Variants in DPYD observed in about 807,000 individuals in gnomAD.
The protein encoded by DPYD is dihydropyrimidine dehydrogenase [NADP(+)].
DPYD carries 109 observed loss-of-function variants against 116.2 expected under a neutral mutation model. The observed-to-expected ratio is 0.94, with a 90% CI of 0.80 to 1.10. The LOEUF is 1.10. Among genes scored for constraint, DPYD ranks in the 50% least tolerant of loss-of-function variants. The probability of loss-of-function intolerance (pLI) is 0.00; values close to 1 mark genes in which losing one functional copy is unlikely to be tolerated. For synonymous variants in DPYD, 440 were observed against 432.0 expected, an observed-to-expected ratio of 1.02 and a Z score of -0.23; for missense variants, 1,302 against 1,254.5, an observed-to-expected ratio of 1.04 and a Z score of -0.57.
chr1:97,680,334 A>G (rs1447334392), intron 7 of DPYD, among the ~76,000 whole-genome samples: 1 of 152,174 alleles, frequency 6.6e-6, no homozygotes, highest in Non-Finnish European at 1.5e-5. Flanking sequence ...TCCCTGTCAT[A>G]TCCCCATTTA....
intron 6 of DPYD, among the ~76,000 whole-genome samples, chr1:97,695,408 A>G (rs921167863): frequency 1.4e-5 from 2 of 147,914 alleles, no homozygotes; most frequent in African/African-American, 5.0e-5. Flanking sequence ...CTAATCCATC[A>G]TTTTTTAAAA....
chr1:97,114,801 C>G (rs1385647314), intron 20 of DPYD, among the ~76,000 whole-genome samples: 1 of 152,116 alleles, frequency 6.6e-6, no homozygotes, highest in Admixed American at 6.6e-5. Context: ...ACCATATATT[C>G]CTGTTAACCA....
At chr1:97,364,348 T>A (rs1032007687) in intron 16 of DPYD, among the ~76,000 whole-genome samples, 4 of 152,126 alleles carry the variant, frequency 2.6e-5, no homozygotes, top group African/African-American at 7.2e-5. Flanking sequence ...TTGCAACCTA[T>A]CTATGAGGAC....
At chr1:97,725,100 C>G (rs1410517390) in intron 4 of DPYD, among the ~76,000 whole-genome samples, 2 of 151,296 alleles carry the variant, frequency 1.3e-5, no homozygotes, top group Non-Finnish European at 3.0e-5. Context: ...AAAAGTACAG[C>G]AAACTTACAG....
chr1:97,296,497 T>C (rs949712172), intron 18 of DPYD, among the ~76,000 whole-genome samples: 5 of 152,142 alleles, frequency 3.3e-5, no homozygotes, highest in African/African-American at 4.8e-5. Context: ...ATGATCAAAT[T>C]ATTTAAAAAG....
intron 18 of DPYD, among the ~76,000 whole-genome samples, chr1:97,300,439 A>G (rs1666794799): frequency 6.6e-6 from 1 of 152,116 alleles, no homozygotes; most frequent in South Asian, 2.1e-4. Context: ...CATGTGATTG[A>G]CACATAAAAA....
rs137931267 is a variant in DPYD, at chr1:97,480,614, T to C, written c.1741-30391A>G. 5.8e-3 allele frequency among the ~76,000 whole-genome samples: 882 copies of C among 152,342 alleles called. 6 individuals carry two copies. The highest frequency in any genetic ancestry group is 0.034 in the Middle Eastern group (10 of 294). On this transcript the variant is annotated intron_variant, in intron 13 of 22. Coordinates refer to ENST00000370192, the MANE Select transcript of DPYD (RefSeq NM_000110.4). ...AGGGAATTGCTGAATTTCATCAAAA[T>C]ATTTTTGGCATTATTTAATGTTTAA...
chr1:97,551,173 T>C (rs1396897070), intron 11 of DPYD, among the ~76,000 whole-genome samples: 1 of 152,188 alleles, frequency 6.6e-6, no homozygotes, highest in Non-Finnish European at 1.5e-5. Flanking sequence ...TTCTACTGTT[T>C]CTATTTGTTT....
At chr1:97,451,169 C>T (rs559837204) in intron 13 of DPYD, among the ~76,000 whole-genome samples, 1 of 151,898 alleles carries the variant, frequency 6.6e-6, no homozygotes, top group Non-Finnish European at 1.5e-5. Context: ...TAAGAACCAC[C>T]CCATATAAAA....
intron 11 of DPYD, among the ~76,000 whole-genome samples, chr1:97,565,773 G>A (rs556766943): frequency 6.6e-6 from 1 of 152,246 alleles, no homozygotes; most frequent in East Asian, 1.9e-4. Context: ...TAGTGCCTGA[G>A]TAGTGCCTGG....
intron 8 of DPYD, among the ~76,000 whole-genome samples, chr1:97,638,333 T>C (rs1657686512): frequency 6.6e-6 from 1 of 152,054 alleles, no homozygotes; most frequent in African/African-American, 2.4e-5. Context: ...AACTATGCCC[T>C]GGGAAGCCAT....
chr1:97,776,893 T>G (rs1341708356), intron 3 of DPYD, among the ~76,000 whole-genome samples: 4 of 152,218 alleles, frequency 2.6e-5, no homozygotes, highest in Non-Finnish European at 5.9e-5. Context: ...TTGTCAAAAT[T>G]AGTTGTTACT....
chr1:97,617,417 T>C (rs1421539925), intron 8 of DPYD, among the ~76,000 whole-genome samples: 1 of 152,230 alleles, frequency 6.6e-6, no homozygotes, highest in Non-Finnish European at 1.5e-5. Context: ...CCTGTCCTAC[T>C]CATATTTGTA....
At chr1:97,840,930 ACCTT>A (rs1221575086) in intron 2 of DPYD, among the ~76,000 whole-genome samples, 1 of 152,114 alleles carries the variant, frequency 6.6e-6, no homozygotes. Context: ...TGCTCTTCTG[ACCTT>A]CACTGGAAGA....
chr1:97,648,913 A>C (rs1658421689), intron 8 of DPYD, among the ~76,000 whole-genome samples: 1 of 152,090 alleles, frequency 6.6e-6, no homozygotes, highest in Non-Finnish European at 1.5e-5. Flanking sequence ...TCCCCTTAGA[A>C]GATCCTCTAT....
intron 19 of DPYD, among the ~76,000 whole-genome samples, chr1:97,226,271 A>C (rs1661154442): frequency 6.6e-6 from 1 of 152,188 alleles, no homozygotes; most frequent in Admixed American, 6.5e-5. Flanking sequence ...ACAAGCATGC[A>C]GCTAACATCA....
At chr1:97,493,391 G>GA (rs1282748811) in intron 13 of DPYD, among the ~76,000 whole-genome samples, 3 of 152,066 alleles carry the variant, frequency 2.0e-5, no homozygotes, top group Non-Finnish European at 4.4e-5. Flanking sequence ...GTTCAAATCA[G>GA]AAAAAACTTT....
intron 1 of DPYD, among the ~76,000 whole-genome samples, chr1:97,912,938 G>C (rs6604095): frequency 0.075 from 11,407 of 152,006 alleles, 605 homozygotes; most frequent in African/African-American, 0.14. Context: ...TTGAATTCTG[G>C]GGACCCCATT....
intron 8 of DPYD, among the ~76,000 whole-genome samples, chr1:97,675,024 G>A (rs1660066406): frequency 6.6e-6 from 1 of 152,086 alleles, no homozygotes. Context: ...AATGCAGTGT[G>A]AACGTGCAAG....
Sources: gnomAD v4.1 joint callset for allele counts (sites outside exome capture counted in the v4.1 genomes callset) on GRCh38, gnomAD v4.1.1 for gene constraint, MANE v1.5 for transcripts, NCBI Gene and HGNC (gene_info 2026-07-23, HGNC 2026-07-21) for gene names.